The following TIAM1 variants were observed in gnomAD, a reference collection of about 807,000 sequenced individuals.
The protein encoded by TIAM1 is TIAM Rac1 associated GEF 1.
In TIAM1, 65 loss-of-function variants were observed where a neutral mutation model predicts 163.5. The ratio of observed to expected loss-of-function variants is 0.40; its 90% confidence interval spans 0.33 to 0.49. The LOEUF is 0.49. Among genes scored for constraint, TIAM1 ranks in the 20% least tolerant of loss-of-function variants. The probability of loss-of-function intolerance (pLI) is 0.77; values close to 1 mark genes in which losing one functional copy is unlikely to be tolerated. For missense variants in TIAM1, 1,789 were observed against 2,044.7 expected (o/e 0.87, Z 2.41); for synonymous variants, 833 against 810.1 (o/e 1.03, Z -0.48).
At chr21:31,186,251 A>G (rs905971244) in intron 14 of TIAM1, among the ~76,000 whole-genome samples, 16 of 152,196 alleles carry the variant, frequency 1.1e-4, no homozygotes, top group Non-Finnish European at 2.2e-4. Flanking sequence ...TCAAATCCCT[A>G]GGTTCTCAAC....
At chr21:31,482,097 A>G (rs373592127) in intron 1 of TIAM1, among the ~76,000 whole-genome samples, 135 of 99,766 alleles carry the variant, frequency 1.4e-3, no homozygotes, top group African/African-American at 4.0e-3. Flanking sequence ...GTGTGTGTGT[A>G]TACATATATA....
intron 16 of TIAM1, among the ~76,000 whole-genome samples, chr21:31,158,764 C>T (rs2083752168): frequency 6.6e-6 from 1 of 152,136 alleles, no homozygotes; most frequent in Admixed American, 6.5e-5. Context: ...TACTGTGGGG[C>T]TCAGCTTTTA....
chr21:31,270,195 A>G (rs2072995894), intron 3 of TIAM1, among the ~76,000 whole-genome samples: 1 of 152,212 alleles, frequency 6.6e-6, no homozygotes. Flanking sequence ...CGGCTTCCAC[A>G]AGACTAGAAA....
chr21:31,254,595 T>C (rs1015378101), intron 4 of TIAM1, among the ~76,000 whole-genome samples: 3 of 150,638 alleles, frequency 2.0e-5, no homozygotes, highest in African/African-American at 7.3e-5. Flanking sequence ...ACTCGGGAGG[T>C]TGAGGCAGGT....
At chr21:31,337,941 T>C (rs2075897823) in intron 2 of TIAM1, among the ~76,000 whole-genome samples, 1 of 152,190 alleles carries the variant, frequency 6.6e-6, no homozygotes, top group South Asian at 2.1e-4. Context: ...GGCTCCGCTC[T>C]CTGTTGGAGG....
chr21:31,364,714 T>C (rs525896), intron 2 of TIAM1, among the ~76,000 whole-genome samples: 32,274 of 151,966 alleles, frequency 0.21, 3,723 homozygotes, highest in African/African-American at 0.26. Flanking sequence ...CATGGATTGA[T>C]TGATGGATGG....
At chr21:31,493,344 CAAT>C (rs1366989822) in intron 1 of TIAM1, among the ~76,000 whole-genome samples, 12 of 151,972 alleles carry the variant, frequency 7.9e-5, no homozygotes, top group Non-Finnish European at 1.6e-4. Context: ...CACAATCAAT[CAAT>C]GATAAAAAGA....
chr21:31,290,910 T>C (rs2073995696), intron 2 of TIAM1, among the ~76,000 whole-genome samples: 1 of 152,198 alleles, frequency 6.6e-6, no homozygotes, highest in African/African-American at 2.4e-5. Flanking sequence ...CATGTGCTGA[T>C]ATCCTCTGGC....
intron 2 of TIAM1, among the ~76,000 whole-genome samples, chr21:31,325,917 A>G (rs574348020): frequency 3.9e-4 from 59 of 152,274 alleles, no homozygotes; most frequent in African/African-American, 1.4e-3. Flanking sequence ...TATACTACAC[A>G]CTGGCATTTA....
At chr21:31,450,745 G>C (rs1272538166) in intron 2 of TIAM1, among the ~76,000 whole-genome samples, 1 of 152,188 alleles carries the variant, frequency 6.6e-6, no homozygotes, top group African/African-American at 2.4e-5. Context: ...CCTTACATTG[G>C]TGTCAGGCAA....
At chr21:31,489,235 T>C (rs898765440) in intron 1 of TIAM1, among the ~76,000 whole-genome samples, 23 of 150,560 alleles carry the variant, frequency 1.5e-4, no homozygotes, top group African/African-American at 4.9e-4. Flanking sequence ...CCAGGCATAG[T>C]GGTGCACACC....
At chr21:31,529,138 C>T (rs1429769464) in intron 1 of TIAM1, among the ~76,000 whole-genome samples, 1 of 151,800 alleles carries the variant, frequency 6.6e-6, no homozygotes, top group Admixed American at 6.6e-5. Context: ...CCAGGATGGT[C>T]TCGATCTCCT....
chr21:31,142,671 GAAAA>G (rs1184339051), intron 20 of TIAM1, among the ~76,000 whole-genome samples: 1 of 150,134 alleles, frequency 6.7e-6, no homozygotes, highest in Non-Finnish European at 1.5e-5. Flanking sequence ...AAAAGAAAAA[GAAAA>G]AAAAGGCAAG....
intron 8 of TIAM1, among the ~76,000 whole-genome samples, chr21:31,217,975 T>C (rs1281778648): frequency 2.0e-5 from 3 of 152,238 alleles, no homozygotes; most frequent in Non-Finnish European, 4.4e-5. Context: ...ATATATGTTC[T>C]GTTTCCAAAA....
chr21:31,187,674 G>T (rs1006118558), intron 13 of TIAM1, among the ~76,000 whole-genome samples: 3 of 151,860 alleles, frequency 2.0e-5, no homozygotes, highest in Non-Finnish European at 4.4e-5. Context: ...TACTTCTCTG[G>T]GCTCCCAGAG....
chr21:31,289,967 T>G (rs1160101525), intron 2 of TIAM1, among the ~76,000 whole-genome samples: 4 of 152,118 alleles, frequency 2.6e-5, no homozygotes, highest in Non-Finnish European at 4.4e-5. Context: ...TATACTCCTG[T>G]CCAGGGCACT....
At chr21:31,539,015 C>G (rs2048232232) in intron 1 of TIAM1, among the ~76,000 whole-genome samples, 1 of 152,138 alleles carries the variant, frequency 6.6e-6, no homozygotes, top group East Asian at 1.9e-4. Context: ...CCTCTCAGAG[C>G]TGGACAGCTG....
chr21:31,486,464 C>T (rs2046275924), intron 1 of TIAM1, among the ~76,000 whole-genome samples: 1 of 152,280 alleles, frequency 6.6e-6, no homozygotes, highest in Non-Finnish European at 1.5e-5. Context: ...GGTGCGTCAG[C>T]ACCTCCACCA....
intron 2 of TIAM1, among the ~76,000 whole-genome samples, chr21:31,330,958 G>A (rs1463811662): frequency 1.3e-5 from 2 of 151,932 alleles, no homozygotes; most frequent in Admixed American, 6.6e-5. Flanking sequence ...AAGGTAAAAT[G>A]TGATTTGAAC....
Sources: allele counts gnomAD v4.1 joint callset (sites outside exome capture counted in the v4.1 genomes callset), GRCh38; gene constraint gnomAD v4.1.1; transcripts MANE v1.5; gene names NCBI Gene and HGNC (gene_info 2026-07-23, HGNC 2026-07-21).